ACADSB: variants seen among roughly 807,000 people sequenced by gnomAD.
ACADSB encodes acyl-CoA dehydrogenase short/branched chain, also known as short/branched chain specific acyl-CoA dehydrogenase, mitochondrial.
ACADSB carries 40 observed loss-of-function variants against 54.1 expected under a neutral mutation model. The observed-to-expected ratio is 0.74, with a 90% CI of 0.57 to 0.96. The LOEUF is 0.96. ACADSB is among the 40% of genes least tolerant of loss of function. The probability of loss-of-function intolerance (pLI) is 0.00; values close to 1 mark genes in which losing one functional copy is unlikely to be tolerated. For missense variants in ACADSB, 530 were observed against 510.4 expected (o/e 1.04, Z -0.37); for synonymous variants, 182 against 182.8 (o/e 1.00, Z 0.03).
At chr10:123,050,568 G>A (rs1850616144) in intron 8 of ACADSB, among the ~76,000 whole-genome samples, 1 of 152,180 alleles carries the variant, frequency 6.6e-6, no homozygotes, top group African/African-American at 2.4e-5. Context: ...ATTTCAGGGT[G>A]GTAGTAATTG....
At chr10:123,023,885 G>T (rs748304009) in intron 1 of ACADSB, among the ~76,000 whole-genome samples, 6 of 152,248 alleles carry the variant, frequency 3.9e-5, no homozygotes, top group Non-Finnish European at 7.3e-5. Context: ...GGAGGGCTTA[G>T]TACTGGACCT....
intron 1 of ACADSB, among the ~76,000 whole-genome samples, chr10:123,016,970 C>G (rs970461489): frequency 2.6e-5 from 4 of 152,114 alleles, no homozygotes; most frequent in African/African-American, 9.7e-5. Flanking sequence ...GTGGTTCATG[C>G]TCCCTTCACT....
intron 1 of ACADSB, among the ~76,000 whole-genome samples, chr10:123,018,080 A>G (rs544221084): frequency 6.6e-6 from 1 of 152,254 alleles, no homozygotes; most frequent in African/African-American, 2.4e-5. Context: ...ATGGCCTGAA[A>G]CAGTCTCTCA....
At chr10:123,046,446 TCAGCTA>T (rs1850561629) in intron 7 of ACADSB, among the ~76,000 whole-genome samples, 1 of 152,186 alleles carries the variant, frequency 6.6e-6, no homozygotes, top group African/African-American at 2.4e-5. Context: ...GTGAGACAGT[TCAGCTA>T]AAATTGTCAC....
intron 6 of ACADSB, 69 bp downstream of exon 6, chr10:123,043,240 T>C: frequency 6.3e-7 from 1 of 1,594,240 alleles, no homozygotes; most frequent in South Asian, 1.1e-5. Context: ...ACAGGAGGTG[T>C]GCAAGACAGG....
At chr10:123,040,766 A>G (rs1850462827) in intron 4 of ACADSB, 94 bp downstream of exon 4, 3 of 1,166,296 alleles carry the variant, frequency 2.6e-6, no homozygotes, top group Admixed American at 1.9e-5. Context: ...CGACTTTACT[A>G]TCCAAGACCA....
At chr10:123,016,535 A>T (rs532459658) in intron 1 of ACADSB, among the ~76,000 whole-genome samples, 11 of 152,362 alleles carry the variant, frequency 7.2e-5, no homozygotes, top group African/African-American at 1.9e-4. Flanking sequence ...GCTAGGTTAC[A>T]GTTCATCCAC....
intron 1 of ACADSB, among the ~76,000 whole-genome samples, chr10:123,033,086 C>T (rs2133472959): frequency 6.6e-6 from 1 of 152,290 alleles, no homozygotes; most frequent in East Asian, 1.9e-4. Flanking sequence ...CTTATGTCCC[C>T]TTTGTCCTCC....
At chr10:123,028,871 TA>T (rs1437370622) in intron 1 of ACADSB, among the ~76,000 whole-genome samples, 1 of 151,318 alleles carries the variant, frequency 6.6e-6, no homozygotes, top group Non-Finnish European at 1.5e-5. Context: ...TCTCTATTTC[TA>T]AAACAGAAAG....
At position 123,053,161 on chromosome 10, in the gene ACADSB, G is replaced by T. The variant is rs943046481; in HGVS notation, c.1228+1G>T. On this transcript the variant is annotated splice_donor_variant, in intron 10 of 10. Transcript: ENST00000358776. LOFTEE classifies it high-confidence loss of function. ...AAATACTTCCGAGATGCAAAGATTG[G>T]TAAATAGATTTTTTTTTTTTACATT... The T allele has an allele frequency of 6.5e-7, 1 of 1,542,804 alleles. No homozygotes were observed. Among genetic ancestry groups the T allele is most frequent in the East Asian group, 2.3e-5 (1 of 42,656 alleles).
chr10:123,028,414 C>T (rs7092867), intron 1 of ACADSB, among the ~76,000 whole-genome samples: 5,876 of 152,260 alleles, frequency 0.039, 208 homozygotes, highest in East Asian at 0.12. Context: ...CCTATAATCC[C>T]AGCACTTTGG....
chr10:123,041,480 C>G (rs1297043382), intron 5 of ACADSB, 101 bp downstream of exon 5: 3 of 1,229,608 alleles, frequency 2.4e-6, no homozygotes, highest in Non-Finnish European at 3.5e-6. Context: ...TCATCTTGAA[C>G]TCTTTAGTCT....
rs1435992287 is a variant in ACADSB at position 123,044,449 on chromosome 10, G to T, written c.864G>T (p.Gly288=). 1.9e-6 allele frequency: 3 copies of T among 1,613,792 alleles called. No individual in the cohort carries two copies. In the South Asian group the frequency reaches 3.3e-5, roughly 18 times the overall value. ...QIGHGYKYAI[G]SLNEGRIGIA... ...GACATGGCTATAAGTATGCCATAGG[G>T]AGTCTCAATGAAGGTAGAATAGGAA... Residue 288 remains glycine (G), a synonymous_variant, in exon 7 of 11, where the codon GGG becomes GGT. Coordinates refer to ENST00000358776, the MANE Select transcript of ACADSB (RefSeq NM_001609.4).
At chr10:123,041,500 T>G (rs1369459975) in intron 5 of ACADSB, 121 bp downstream of exon 5, 4 of 1,019,502 alleles carry the variant, frequency 3.9e-6, no homozygotes, top group Non-Finnish European at 5.9e-6. Flanking sequence ...TTCTCAGTAC[T>G]GAAAATGTCA....
chr10:123,043,092 G>A lies in ACADSB; in HGVS notation c.728G>A (p.Gly243Asp). Residue 243 changes from glycine (G) to aspartate (D), a missense_variant, in exon 6 of 11, where the codon GGC becomes GAC. By Grantham distance (94) the Gly-to-Asp change is moderately conservative. Transcript: ENST00000358776. ...TSFLVDRDTP[G>D]LHIGKPENKL... ...TTCTTAGTAGATCGTGATACTCCGG[G>A]CCTTCATATAGGGAAACCTGAAAAC... 6.2e-7 allele frequency: 1 copy of A among 1,613,838 alleles called. No homozygotes were observed. Among genetic ancestry groups the A allele is most frequent in the Non-Finnish European group, 8.5e-7 (1 of 1,179,796 alleles).
At chr10:123,044,312 T>A (rs1850520031) in intron 6 of ACADSB, 81 bp from the exon 7 acceptor site, 4 of 1,217,246 alleles carry the variant, frequency 3.3e-6, no homozygotes, top group Non-Finnish European at 4.9e-6. Flanking sequence ...GAATTGAGAG[T>A]CTATGTGTAC....
rs74159954 is a variant in ACADSB at position 123,037,059 on chromosome 10, C to T, written c.203-688C>T. Among the ~76,000 whole-genome samples the T allele has an allele frequency of 5.5e-3, 838 of 152,294 alleles. 7 individuals are homozygous for T. The highest frequency in any genetic ancestry group is 0.019 in the African/African-American group (785 of 41,566). On this transcript the variant is annotated intron_variant, in intron 2 of 10. Coordinates refer to ENST00000358776, the MANE Select transcript of ACADSB (RefSeq NM_001609.4). ...TCAGTGGGGGCAAGTTTGCCCCCAG[C>T]GGACATTTAGCAACATTTAGAGACA...
intron 1 of ACADSB, among the ~76,000 whole-genome samples, chr10:123,033,560 C>T (rs752504357): frequency 2.6e-5 from 4 of 152,168 alleles, no homozygotes; most frequent in Non-Finnish European, 5.9e-5. Context: ...ACCTCCACTT[C>T]TGTGTTCTTA....
At chr10:123,014,181 C>A (rs555393427) in intron 1 of ACADSB, among the ~76,000 whole-genome samples, 1 of 152,346 alleles carries the variant, frequency 6.6e-6, no homozygotes, top group East Asian at 1.9e-4. Context: ...CTCACTCTCA[C>A]CTTCTCTCAC....
Sources: gnomAD v4.1 joint callset for allele counts (sites outside exome capture counted in the v4.1 genomes callset) on GRCh38, gnomAD v4.1.1 for gene constraint, MANE v1.5 for transcripts, NCBI Gene and HGNC (gene_info 2026-07-23, HGNC 2026-07-21) for gene names.